OXR1: variants seen among roughly 807,000 people sequenced by gnomAD.
The protein encoded by OXR1 is oxidation resistance 1.
In OXR1, 41 loss-of-function variants were observed where a neutral mutation model predicts 104.6. The ratio of observed to expected loss-of-function variants is 0.39; its 90% CI spans 0.31 to 0.51. OXR1 has a LOEUF of 0.51. OXR1 is among the 20% of genes least tolerant of loss of function. The probability of loss-of-function intolerance (pLI) is 0.77; values close to 1 mark genes in which losing one functional copy is unlikely to be tolerated. For missense variants in OXR1, 955 were observed against 1,031.9 expected (o/e 0.93, Z 1.02); for synonymous variants, 348 against 348.4 (o/e 1.00, Z 0.01).
intron 1 of OXR1, among the ~76,000 whole-genome samples, chr8:106,319,176 ATCT>A (rs912580006): frequency 6.6e-6 from 1 of 152,196 alleles, no homozygotes; most frequent in African/African-American, 2.4e-5. Context: ...TTTCCATGAG[ATCT>A]TCTAGCAGAA....
At chr8:106,375,931 C>T (rs1356701732) in intron 2 of OXR1, among the ~76,000 whole-genome samples, 1 of 152,210 alleles carries the variant, frequency 6.6e-6, no homozygotes, top group African/African-American at 2.4e-5. Context: ...TTCACTGCAA[C>T]CTCGAACTCC....
intron 1 of OXR1, among the ~76,000 whole-genome samples, chr8:106,294,192 G>A (rs1008924122): frequency 6.6e-6 from 1 of 151,506 alleles, no homozygotes; most frequent in Non-Finnish European, 1.5e-5. Context: ...AATGAGGTCA[G>A]GAATTCAAAA....
At chr8:106,645,281 T>C (rs185837370) in intron 3 of OXR1, among the ~76,000 whole-genome samples, 2 of 152,294 alleles carry the variant, frequency 1.3e-5, no homozygotes, top group East Asian at 3.9e-4. Flanking sequence ...AGGTACAAAT[T>C]GGCTGCCAAC....
intron 1 of OXR1, among the ~76,000 whole-genome samples, chr8:106,336,941 C>A (rs1054760821): frequency 6.6e-6 from 1 of 152,056 alleles, no homozygotes; most frequent in Non-Finnish European, 1.5e-5. Flanking sequence ...AATGTGTATA[C>A]CATTATGATA....
At chr8:106,676,051 T>C (rs1030722960) in intron 3 of OXR1, among the ~76,000 whole-genome samples, 4 of 152,202 alleles carry the variant, frequency 2.6e-5, no homozygotes, top group Non-Finnish European at 4.4e-5. Flanking sequence ...CCCTTCTTTG[T>C]CTTTTTTGAT....
chr8:106,545,755 T>C (rs1305138316), intron 3 of OXR1, among the ~76,000 whole-genome samples: 2 of 152,176 alleles, frequency 1.3e-5, no homozygotes, highest in Non-Finnish European at 2.9e-5. Context: ...CCCAGCACTT[T>C]GGGAGACTGA....
intron 1 of OXR1, among the ~76,000 whole-genome samples, chr8:106,314,920 C>A (rs1359929445): frequency 1.3e-5 from 2 of 152,082 alleles, no homozygotes; most frequent in Admixed American, 1.3e-4. Flanking sequence ...ATGACATTGG[C>A]TTTAACAGTA....
At chr8:106,415,579 G>C (rs77299719) in intron 2 of OXR1, among the ~76,000 whole-genome samples, 1 of 150,466 alleles carries the variant, frequency 6.6e-6, no homozygotes, top group Admixed American at 6.6e-5. Flanking sequence ...CTGAGAGAGA[G>C]AGAGAGACAG....
rs71307068 is a variant in OXR1 at position 106,551,860 on chromosome 8, A to ATGTGTGTG, written c.220+32755_220+32762dup. Among the ~76,000 whole-genome samples the ATGTGTGTG allele has an allele frequency of 8.6e-3, 1,086 of 126,548 alleles. 5 individuals carry two copies. The highest frequency in any genetic ancestry group is 0.035 in the Middle Eastern group (9 of 254). The allele number at this position is 126,548 out of a possible 152,430, so 83.0% of individuals were successfully genotyped here. A position where few individuals can be genotyped will look rare whatever the true frequency, so the allele number is the denominator to read the frequency against. ...TATGTGTACATATATGTGTATATAT[A>ATGTGTGTG]TGTGTGTGTGTGTGTGTGTGTGTGT... is the stretch of plus-strand genomic sequence containing the variant. On this transcript the variant is annotated intron_variant, in intron 3 of 16. Transcript: ENST00000517566.
rs1828480497 is a variant in OXR1, at chr8:106,684,348, G to T, written c.514G>T (p.Asp172Tyr). ...ACCAACATCATCTGAGGCTGAATTT[G>T]ATAAGACCACTGTAAGTATCTCTGC... ...LSPTSSEAEF[D>Y]KTTNPDVHPT... is the part of the protein sequence containing the mutation. Residue 172 changes from aspartate to tyrosine, a missense_variant, in exon 6 of 17, where the codon GAT (aspartate) becomes TAT (tyrosine). Asp to Tyr is a radical substitution (Grantham distance 160, BLOSUM62 -3). Coordinates refer to ENST00000517566, the MANE Select transcript of OXR1 (RefSeq NM_001198533.2). The T allele has an allele frequency of 1.9e-6, 3 of 1,544,170 alleles. No individual in the cohort carries two copies. In the African/African-American group the frequency reaches 4.1e-5, roughly 21 times the overall value.
chr8:106,377,640 G>A (rs1018323823), intron 2 of OXR1, among the ~76,000 whole-genome samples: 36 of 152,102 alleles, frequency 2.4e-4, no homozygotes, highest in Non-Finnish European at 1.0e-4. Flanking sequence ...TATTTCAGAG[G>A]GATATACAGT....
chr8:106,333,823 C>A (rs1316813848), intron 1 of OXR1, among the ~76,000 whole-genome samples: 1 of 152,054 alleles, frequency 6.6e-6, no homozygotes, highest in African/African-American at 2.4e-5. Context: ...GACCTTTATG[C>A]TTATCCTATG....
At position 106,613,448 on chromosome 8, in the gene OXR1, G is replaced by A. The variant is rs192203663; in HGVS notation, c.221-65762G>A. ...AGTTTCGCTCTTGTTGCCCAGCCTG[G>A]AGTGCAATGGCACGATCTCGGCTCA... On this transcript the variant is annotated intron_variant, in intron 3 of 16. Coordinates refer to ENST00000517566, the MANE Select transcript of OXR1 (RefSeq NM_001198533.2). 2.6e-5 allele frequency among the ~76,000 whole-genome samples: 4 copies of A among 152,100 alleles called. No individual in the cohort carries two copies. In the East Asian group the frequency reaches 7.7e-4, roughly 29 times the overall value.
chr8:106,631,187 A>G (rs1822655016), intron 3 of OXR1, among the ~76,000 whole-genome samples: 1 of 152,230 alleles, frequency 6.6e-6, no homozygotes, highest in Non-Finnish European at 1.5e-5. Flanking sequence ...ATGTTTGATC[A>G]TTACTAATCC....
At chr8:106,741,238 A>G (rs1321358699) in intron 14 of OXR1, among the ~76,000 whole-genome samples, 1 of 152,184 alleles carries the variant, frequency 6.6e-6, no homozygotes, top group Non-Finnish European at 1.5e-5. Context: ...AATGAATGTC[A>G]CAAACATAAT....
At chr8:106,395,350 A>G (rs2022974) in intron 2 of OXR1, among the ~76,000 whole-genome samples, 96,710 of 151,984 alleles carry the variant, frequency 0.64, 30,975 homozygotes, top group Middle Eastern at 0.67. Flanking sequence ...AAGAAAAAGA[A>G]GTTTAGTTGG....
At chr8:106,582,023 CAAAA>C (rs71307074) in intron 3 of OXR1, among the ~76,000 whole-genome samples, 2 of 69,564 alleles carry the variant, frequency 2.9e-5, no homozygotes, top group Admixed American at 4.0e-4. Flanking sequence ...GACTCTGTCT[CAAAA>C]AAAAAAAAAA....
chr8:106,447,025 CAT>C (rs1168939386), intron 2 of OXR1, among the ~76,000 whole-genome samples: 1 of 152,192 alleles, frequency 6.6e-6, no homozygotes, highest in Non-Finnish European at 1.5e-5. Flanking sequence ...CCACCTTCAA[CAT>C]ATTCCTTAAA....
chr8:106,628,477 T>C (rs903123992), intron 3 of OXR1, among the ~76,000 whole-genome samples: 2 of 152,238 alleles, frequency 1.3e-5, no homozygotes, highest in African/African-American at 2.4e-5. Flanking sequence ...AGAAATGGAG[T>C]TGAATTTTAT....
Sources: gnomAD v4.1 joint callset for allele counts (sites outside exome capture counted in the v4.1 genomes callset) on GRCh38, gnomAD v4.1.1 for gene constraint, MANE v1.5 for transcripts, NCBI Gene and HGNC (gene_info 2026-07-23, HGNC 2026-07-21) for gene names.